Variants in PDE3A observed in about 807,000 individuals in gnomAD.
PDE3A encodes the protein phosphodiesterase 3A.
Under a neutral mutation model 98.3 loss-of-function variants are expected in PDE3A, and 43 were observed. The observed-to-expected ratio is 0.44, with a 90% confidence interval of 0.34 to 0.56. The LOEUF (loss-of-function observed/expected upper bound fraction) is 0.56, where lower values mean the gene tolerates loss of function less well. Among genes scored for constraint, PDE3A ranks in the 20% least tolerant of loss-of-function variants. PDE3A has a pLI of 0.01. For synonymous variants in PDE3A, 663 were observed against 567.9 expected (o/e 1.17, Z -2.38); for missense variants, 1,427 against 1,440.7 (o/e 0.99, Z 0.15).
At chr12:20,532,105 T>C (rs1941615062) in intron 1 of PDE3A, among the ~76,000 whole-genome samples, 1 of 152,148 alleles carries the variant, frequency 6.6e-6, no homozygotes, top group Non-Finnish European at 1.5e-5. Context: ...ATTTAGTTTG[T>C]GCTTATTTAC....
chr12:20,440,277 C>T (rs537245442), intron 1 of PDE3A, among the ~76,000 whole-genome samples: 5 of 152,006 alleles, frequency 3.3e-5, no homozygotes, highest in South Asian at 4.1e-4. Flanking sequence ...TAAATTTTAA[C>T]GTAATTATAA....
chr12:20,635,769 A>G (rs1198828626), intron 8 of PDE3A, among the ~76,000 whole-genome samples: 1 of 151,560 alleles, frequency 6.6e-6, no homozygotes, highest in Non-Finnish European at 1.5e-5. Flanking sequence ...AAAAAAAAAA[A>G]AAGAAATTAA....
At chr12:20,635,103 T>C in intron 8 of PDE3A, 47 bp downstream of exon 8, 4 of 1,516,194 alleles carry the variant, frequency 2.6e-6, no homozygotes, top group Non-Finnish European at 3.6e-6. Flanking sequence ...GAGATGAGCT[T>C]CTGTTACAGA....
At chr12:20,569,931 A>G (rs1315282053) in intron 2 of PDE3A, among the ~76,000 whole-genome samples, 1 of 152,302 alleles carries the variant, frequency 6.6e-6, no homozygotes, top group East Asian at 1.9e-4. Context: ...TAAATTCTGC[A>G]CTGGCCAGAT....
At chr12:20,480,286 G>A (rs1184708359) in intron 1 of PDE3A, among the ~76,000 whole-genome samples, 1 of 152,142 alleles carries the variant, frequency 6.6e-6, no homozygotes, top group Non-Finnish European at 1.5e-5. Flanking sequence ...AAAACTCCAA[G>A]TCAAAACAAT....
chr12:20,369,982 A>G lies in PDE3A; in HGVS notation c.698A>G (p.Lys233Arg), dbSNP rs1335057055. The change falls in exon 1 of 16, where the codon AAG becomes AGG. Residue 233 changes from lysine to arginine, a missense_variant. By Grantham distance (26) the Lys-to-Arg change is conservative (BLOSUM62 2). Transcript: ENST00000359062. Reference protein sequence around the residue: ...TVSLISLERFKVAWRPYLAYL... With the variant: ...TVSLISLERFRVAWRPYLAYL... ...TCCCTCATTTCCTTAGAGAGGTTCA[A>G]GGTCGCCTGGAGACCTTACCTGGCG... 6.2e-7 allele frequency: 1 copy of G among 1,613,152 alleles called. No individual in the cohort carries two copies. The highest frequency in any genetic ancestry group is 2.2e-5 in the East Asian group (1 of 44,846).
chr12:20,470,415 G>T (rs75469494), intron 1 of PDE3A, among the ~76,000 whole-genome samples: 1,797 of 152,204 alleles, frequency 0.012, 29 homozygotes, highest in African/African-American at 0.04. Flanking sequence ...TAGTTGTAAA[G>T]GGGGTTGTGT....
At chr12:20,536,779 C>G (rs114122653) in intron 1 of PDE3A, among the ~76,000 whole-genome samples, 1,617 of 151,954 alleles carry the variant, frequency 0.011, 26 homozygotes, top group African/African-American at 0.037. Context: ...TTTTGTTTAT[C>G]CATTGATTAG....
At chr12:20,428,993 G>A (rs901177812) in intron 1 of PDE3A, among the ~76,000 whole-genome samples, 1 of 152,150 alleles carries the variant, frequency 6.6e-6, no homozygotes, top group African/African-American at 2.4e-5. Context: ...AAATGCAAAT[G>A]TACAAAAGAA....
chr12:20,448,633 T>C (rs910879801), intron 1 of PDE3A, among the ~76,000 whole-genome samples: 1 of 152,202 alleles, frequency 6.6e-6, no homozygotes, highest in Non-Finnish European at 1.5e-5. Flanking sequence ...TGGATATGAA[T>C]GCAGGCACTT....
intron 10 of PDE3A, among the ~76,000 whole-genome samples, chr12:20,640,428 T>A (rs1249636477): frequency 6.6e-6 from 1 of 152,120 alleles, no homozygotes; most frequent in Non-Finnish European, 1.5e-5. Flanking sequence ...TAAGTCACTA[T>A]ATATGTTTTC....
intron 1 of PDE3A, among the ~76,000 whole-genome samples, chr12:20,406,823 T>C (rs1234256461): frequency 1.3e-5 from 2 of 152,212 alleles, no homozygotes; most frequent in Non-Finnish European, 2.9e-5. Context: ...AGGAGTCTTA[T>C]GGCTTCAGGT....
intron 9 of PDE3A, among the ~76,000 whole-genome samples, chr12:20,639,101 A>C (rs1944587445): frequency 6.6e-6 from 1 of 152,122 alleles, no homozygotes; most frequent in Non-Finnish European, 1.5e-5. Flanking sequence ...TGGTTATGAT[A>C]GCAGTCAGTT....
chr12:20,470,852 T>A (rs931390012), intron 1 of PDE3A, among the ~76,000 whole-genome samples: 2 of 152,056 alleles, frequency 1.3e-5, no homozygotes, highest in African/African-American at 4.8e-5. Flanking sequence ...TGGCAGGCAG[T>A]TAGGTGTAGA....
intron 1 of PDE3A, among the ~76,000 whole-genome samples, chr12:20,517,957 G>A (rs941633466): frequency 1.3e-5 from 2 of 152,138 alleles, no homozygotes; most frequent in African/African-American, 2.4e-5. Flanking sequence ...CCTAATCTGC[G>A]TGGTCCAAGG....
At chr12:20,599,891 T>C (rs1475733473) in intron 2 of PDE3A, among the ~76,000 whole-genome samples, 2 of 152,222 alleles carry the variant, frequency 1.3e-5, no homozygotes, top group Non-Finnish European at 2.9e-5. Context: ...TCACTGAAAC[T>C]GTAGTCTGTA....
intron 1 of PDE3A, among the ~76,000 whole-genome samples, chr12:20,372,842 G>T (rs978466117): frequency 6.6e-6 from 1 of 152,116 alleles, no homozygotes. Flanking sequence ...GTCCTCTTGA[G>T]AATTTATTTG....
At chr12:20,431,636 C>CACACACGCAT (rs1565547062) in intron 1 of PDE3A, among the ~76,000 whole-genome samples, 5 of 152,010 alleles carry the variant, frequency 3.3e-5, no homozygotes, top group South Asian at 2.1e-4. Context: ...CACACACGCA[C>CACACACGCAT]GCACAAATGC....
chr12:20,570,241 T>C (rs1445555265), intron 2 of PDE3A, among the ~76,000 whole-genome samples: 3 of 151,762 alleles, frequency 2.0e-5, no homozygotes, highest in Non-Finnish European at 4.4e-5. Context: ...ATGCCATCTC[T>C]ACTAAAAATA....
Sources: gnomAD v4.1 joint callset for allele counts (sites outside exome capture counted in the v4.1 genomes callset) on GRCh38, gnomAD v4.1.1 for gene constraint, MANE v1.5 for transcripts, NCBI Gene and HGNC (gene_info 2026-07-23, HGNC 2026-07-21) for gene names.